Variants in DCDC2C observed in about 807,000 individuals in gnomAD.
DCDC2C encodes the protein doublecortin domain containing 2C.
A neutral mutation model predicts 45.0 loss-of-function variants in DCDC2C; 44 were observed. The observed-to-expected ratio is 0.98, with a 90% CI of 0.77 to 1.26. The LOEUF (loss-of-function observed/expected upper bound fraction) is 1.26, where lower values mean the gene tolerates loss of function less well. DCDC2C is among the 50% of genes most tolerant of loss of function. DCDC2C has a pLI of 0.00. For missense variants in DCDC2C, 447 were observed against 468.9 expected, an observed-to-expected ratio of 0.95 and a Z score of 0.43; for synonymous variants, 187 against 178.8, an observed-to-expected ratio of 1.05 and a Z score of -0.37.
chr2:3,742,972 G>A (rs1227158285), intron 4 of DCDC2C, among the ~76,000 whole-genome samples: 2 of 152,204 alleles, frequency 1.3e-5, no homozygotes, highest in African/African-American at 2.4e-5. Context: ...GTGAGGGAGG[G>A]GCTCCGGGCC....
chr2:3,726,969 A>G, intron 2 of DCDC2C, 34 bp from the exon 3 acceptor site: 1 of 1,537,880 alleles, frequency 6.5e-7, no homozygotes, highest in Non-Finnish European at 8.8e-7. Context: ...GCTAATTTGA[A>G]CTGAATTCCC....
intron 3 of DCDC2C, among the ~76,000 whole-genome samples, chr2:3,735,573 G>C (rs1303807367): frequency 2.6e-5 from 4 of 152,150 alleles, no homozygotes; most frequent in African/African-American, 9.7e-5. Context: ...ACCCGCATCA[G>C]ATTTGCACTT....
intron 10 of DCDC2C, among the ~76,000 whole-genome samples, chr2:3,785,760 G>A (rs1030291975): frequency 3.3e-4 from 50 of 152,162 alleles, no homozygotes; most frequent in African/African-American, 1.1e-3. Context: ...CATTTATTTA[G>A]TCTTTAGTTT....
In DCDC2C at chr2:3,752,888, G is replaced by A. The variant is rs930298234; in HGVS notation, c.671G>A (p.Ser224Asn). 11 of 1,550,434 alleles carry A rather than the reference G, an allele frequency of 7.1e-6. No individual in the cohort carries two copies. The highest frequency in any genetic ancestry group is 1.4e-5 in the African/African-American group (1 of 73,048). ...TACTGGAAGTCTCCAAGGGTGCCCA[G>A]TGAGGTCCAACAGTGAGCATGCTTC... ...FPYWKSPRVP[S>N]EVQQRYANVE... Residue 224 changes from serine to asparagine, a missense_variant, in exon 5 of 11, where the codon AGT becomes AAT. Transcript: ENST00000399143.
intron 4 of DCDC2C, among the ~76,000 whole-genome samples, chr2:3,750,282 A>G: frequency 6.6e-6 from 1 of 152,152 alleles, no homozygotes; most frequent in Non-Finnish European, 1.5e-5. Context: ...TTGGGTTATG[A>G]TGAATATGTT....
intron 2 of DCDC2C, among the ~76,000 whole-genome samples, chr2:3,723,961 CTGTG>C (rs941579068): frequency 8.2e-5 from 12 of 145,780 alleles, no homozygotes; most frequent in African/African-American, 3.4e-4. Flanking sequence ...CTCTGTCTCT[CTGTG>C]TGTTTCTGTG....
intron 5 of DCDC2C, among the ~76,000 whole-genome samples, chr2:3,753,429 G>A (rs1669601783): frequency 6.6e-6 from 1 of 152,308 alleles, no homozygotes; most frequent in East Asian, 1.9e-4. Flanking sequence ...GCTGAGATGG[G>A]TGGTTCCGAA....
chr2:3,709,445 G>A (rs1004186745), intron 2 of DCDC2C, among the ~76,000 whole-genome samples: 4 of 152,218 alleles, frequency 2.6e-5, no homozygotes, highest in South Asian at 2.1e-4. Context: ...TGCAGGACAC[G>A]CCAGCAGCCC....
intron 10 of DCDC2C, among the ~76,000 whole-genome samples, chr2:3,845,842 C>G (rs1672314681): frequency 6.6e-6 from 1 of 152,226 alleles, no homozygotes; most frequent in South Asian, 2.1e-4. Context: ...AGGCCCTGGT[C>G]TGTGCTCCAC....
At chr2:3,704,738 T>TG (rs1418921074) in intron 1 of DCDC2C, among the ~76,000 whole-genome samples, 4 of 6,228 alleles carry the variant, frequency 6.4e-4, no homozygotes, top group Non-Finnish European at 9.5e-4. Flanking sequence ...GGGAGGGGCG[T>TG]GGGGGGCAGG....
rs74692971 is a variant in DCDC2C at position 3,721,357 on chromosome 2, A to G, written c.340-5646A>G. ...AGCCTTTTCTGTGAATTCATCCTGC[A>G]TGGTGCTGAATATATGAGAGTTGAT... is the stretch of plus-strand genomic sequence containing the variant. On this transcript the variant is annotated intron_variant, in intron 2 of 10. Coordinates refer to ENST00000399143, the MANE Select transcript of DCDC2C (RefSeq NM_001287444.2). Among the ~76,000 whole-genome samples, 28 of 152,268 alleles carry G rather than the reference A, an allele frequency of 1.8e-4. No homozygotes were observed. In the East Asian group the frequency reaches 3.7e-3, roughly 20 times the overall value.
rs1233644048 is a variant in DCDC2C at position 3,767,919 on chromosome 2, CTT to C, written c.853+41_853+42del. The C allele has an allele frequency of 3.6e-6, 5 of 1,399,274 alleles. 1 individual carries two copies. Among genetic ancestry groups the C allele is most frequent in the Admixed American group, 3.5e-5 (1 of 28,948 alleles). 86.7% of individuals were successfully genotyped at this position (1,399,274 alleles called of 1,614,324 possible). ...TCATTCTGCTGTAGGCAGTTCGAAA[CTT>C]TACCAGGCTGAGAACATGGGATTTT... On this transcript the variant is annotated intron_variant, in intron 7 of 10. Coordinates refer to ENST00000399143, the MANE Select transcript of DCDC2C (RefSeq NM_001287444.2).
intron 10 of DCDC2C, among the ~76,000 whole-genome samples, chr2:3,829,558 A>G (rs867511899): frequency 2.0e-5 from 3 of 152,074 alleles, no homozygotes; most frequent in African/African-American, 7.2e-5. Flanking sequence ...CGCGGTTCCT[A>G]TAATCTTTTC....
At chr2:3,759,094 A>G (rs979406456) in intron 6 of DCDC2C, among the ~76,000 whole-genome samples, 3 of 152,176 alleles carry the variant, frequency 2.0e-5, no homozygotes, top group East Asian at 1.9e-4. Flanking sequence ...CAGCACCAAA[A>G]TGTGCAGTTC....
At chr2:3,812,504 T>A (rs2148214623) in intron 10 of DCDC2C, among the ~76,000 whole-genome samples, 1 of 152,246 alleles carries the variant, frequency 6.6e-6, no homozygotes, top group East Asian at 1.9e-4. Flanking sequence ...TAATATTCTA[T>A]CATTTTGTTA....
Position 3,771,731 on chromosome 2 carries a change from C to T in DCDC2C, c.954+2320C>T, listed in dbSNP as rs958285871. On this transcript the variant is annotated intron_variant, in intron 8 of 10. Coordinates refer to ENST00000399143, the MANE Select transcript of DCDC2C (RefSeq NM_001287444.2). ...CATGGACCGGGTGGGTGGCTGCATC[C>T]GAGTGGGCCAAGCCTGGAGAACTTG... 3.3e-5 allele frequency among the ~76,000 whole-genome samples: 5 copies of T among 152,186 alleles called. No homozygotes were observed. In the East Asian group the frequency reaches 5.8e-4, roughly 18 times the overall value.
intron 10 of DCDC2C, among the ~76,000 whole-genome samples, chr2:3,831,840 C>T (rs1671959164): frequency 6.6e-6 from 1 of 152,218 alleles, no homozygotes; most frequent in African/African-American, 2.4e-5. Flanking sequence ...AAAGGAACTG[C>T]ACATGGCAGT....
At chr2:3,764,576 G>A (rs770963303) in intron 6 of DCDC2C, among the ~76,000 whole-genome samples, 1 of 152,204 alleles carries the variant, frequency 6.6e-6, no homozygotes, top group Non-Finnish European at 1.5e-5. Context: ...TGCCATGATT[G>A]TGAGACTTCC....
intron 6 of DCDC2C, among the ~76,000 whole-genome samples, chr2:3,764,337 T>A (rs1356067081): frequency 6.6e-6 from 1 of 152,246 alleles, no homozygotes; most frequent in Non-Finnish European, 1.5e-5. Flanking sequence ...TTTTGTTGCT[T>A]TCTTTTAGTC....
Sources: allele counts gnomAD v4.1 joint callset (sites outside exome capture counted in the v4.1 genomes callset), GRCh38; gene constraint gnomAD v4.1.1; transcripts MANE v1.5; gene names NCBI Gene and HGNC (gene_info 2026-07-23, HGNC 2026-07-21).